SLIRP: variants seen among roughly 807,000 people sequenced by gnomAD.
SLIRP encodes the protein SRA stem-loop-interacting RNA-binding protein, mitochondrial.
Under a neutral mutation model 13.4 loss-of-function variants are expected in SLIRP, and 12 were observed. The observed-to-expected ratio is 0.89, with a 90% CI of 0.57 to 1.45. SLIRP has a LOEUF of 1.45. SLIRP is among the 40% of genes most tolerant of loss of function. SLIRP has a pLI of 0.00. For missense variants in SLIRP, 154 were observed against 132.2 expected (o/e 1.17, Z -0.81); for synonymous variants, 55 against 47.1 (o/e 1.17, Z -0.69).
chr14:77,716,879 A>C (rs2139884685), intron 3 of SLIRP, among the ~76,000 whole-genome samples: 1 of 152,106 alleles, frequency 6.6e-6, no homozygotes, highest in East Asian at 2.0e-4. Context: ...CTCCTGCCTC[A>C]ACCTCCCGAG....
intron 2 of SLIRP, among the ~76,000 whole-genome samples, chr14:77,712,951 A>G (rs2080452217): frequency 6.6e-6 from 1 of 151,572 alleles, no homozygotes; most frequent in African/African-American, 2.4e-5. Flanking sequence ...ACAGAACATA[A>G]TCACAGGAGT....
chr14:77,713,109 A>G (rs1249209741), intron 2 of SLIRP, among the ~76,000 whole-genome samples: 2 of 152,226 alleles, frequency 1.3e-5, no homozygotes, highest in Non-Finnish European at 2.9e-5. Flanking sequence ...CTACTACAGT[A>G]TTCTAATAAG....
rs764094163 is a variant in SLIRP, at chr14:77,708,228, G to A, written c.97+20G>A. 1.7e-5 allele frequency: 27 copies of A among 1,612,562 alleles called. No individual in the cohort carries two copies. Among genetic ancestry groups the A allele is most frequent in the Non-Finnish European group, 2.3e-5 (27 of 1,178,622 alleles). On this transcript the variant is annotated intron_variant, in intron 1 of 3. Transcript: ENST00000557342. ...CGTCGAGTGAGTGATGGAGATGTGGGAGTAGTGGAATTTTTAGGTCCAAGT... is the reference window on the plus strand; with the variant it reads ...CGTCGAGTGAGTGATGGAGATGTGGAAGTAGTGGAATTTTTAGGTCCAAGT...
intron 2 of SLIRP, among the ~76,000 whole-genome samples, chr14:77,714,538 C>T (rs2080462133): frequency 6.6e-6 from 1 of 152,188 alleles, no homozygotes; most frequent in Non-Finnish European, 1.5e-5. Context: ...TGACCTCAAG[C>T]CATCCATCCA....
At chr14:77,710,343 G>C (rs903276307) in intron 1 of SLIRP, among the ~76,000 whole-genome samples, 1 of 152,100 alleles carries the variant, frequency 6.6e-6, no homozygotes, top group Non-Finnish European at 1.5e-5. Flanking sequence ...GTAACCCGCA[G>C]GACAGATAAA....
At chr14:77,714,101 G>A (rs1389360063) in intron 2 of SLIRP, among the ~76,000 whole-genome samples, 2 of 151,850 alleles carry the variant, frequency 1.3e-5, no homozygotes, top group Non-Finnish European at 2.9e-5. Context: ...TTGAACTCCT[G>A]GGTTCAAGGG....
In SLIRP at chr14:77,710,844, TGAAA is replaced by T; in HGVS notation, c.108_111del (p.Lys36AsnfsTer48). On this transcript the variant is annotated frameshift_variant, in exon 2 of 4. Transcript: ENST00000557342. LOFTEE classifies it high-confidence loss of function. ...GTTTTCTTCTGCCACACAGGTCAGC[TGAAA>T]GAACACTTTGCACAGTTCGGCCATG... 1 of 1,614,162 alleles carries T rather than the reference TGAAA, an allele frequency of 6.2e-7. No homozygotes were observed.
rs1317461574 is a variant in SLIRP at position 77,708,162 on chromosome 14, T to A, written c.51T>A (p.Asn17Lys). 6.2e-7 allele frequency: 1 copy of A among 1,614,072 alleles called. No individual in the cohort carries two copies. The highest frequency in any genetic ancestry group is 1.3e-5 in the African/African-American group (1 of 74,928). The change falls in exon 1 of 4, where the codon AAT (asparagine) becomes AAA (lysine). Residue 17 changes from asparagine to lysine, a missense_variant. Physicochemically the swap from Asn to Lys is moderately conservative, Grantham distance 94. Coordinates refer to ENST00000557342, the MANE Select transcript of SLIRP (RefSeq NM_031210.6). Reference sequence around the variant, plus strand: ...CTGCGGCGCTGCGTAGAAGTATCAATCAGCCGGTTGCTTTTGTGAGAAGAA... The same window carrying A: ...CTGCGGCGCTGCGTAGAAGTATCAAACAGCCGGTTGCTTTTGTGAGAAGAA... The part of the protein sequence containing the change: ...RGAAALRRSI[N>K]QPVAFVRRIP...
chr14:77,716,467 G>A, intron 3 of SLIRP: 1 of 151,944 alleles, frequency 6.6e-6, no homozygotes, highest in Non-Finnish European at 1.5e-5. Context: ...GACCAACATG[G>A]AGAAACCCCA....
chr14:77,716,887 G>A (rs1044630117), intron 3 of SLIRP, among the ~76,000 whole-genome samples: 1 of 151,800 alleles, frequency 6.6e-6, no homozygotes, highest in Non-Finnish European at 1.5e-5. Context: ...TCAACCTCCC[G>A]AGTAGCTGGG....
chr14:77,708,279 A>T lies in SLIRP; in HGVS notation c.97+71A>T. On this transcript the variant is annotated intron_variant, in intron 1 of 3. Transcript: ENST00000557342. ...GATCCTCAAAGCTTCTGCTTTTTGC[A>T]GGGTACTTAAGTCAGCGTGGTGGCT... The T allele has an allele frequency of 2.0e-6, 3 of 1,474,586 alleles. No homozygotes were observed. In the South Asian group the frequency reaches 3.4e-5, roughly 17 times the overall value. The allele number at this position is 1,474,586 out of a possible 1,614,324, so 91.3% of individuals were successfully genotyped here.
intron 1 of SLIRP, among the ~76,000 whole-genome samples, chr14:77,709,817 G>C (rs576779790): frequency 6.6e-6 from 1 of 152,264 alleles, no homozygotes; most frequent in Non-Finnish European, 1.5e-5. Flanking sequence ...GATCTTGCCA[G>C]TTGGTTTGAC....
intron 3 of SLIRP, 101 bp downstream of exon 3, chr14:77,715,980 T>TG (rs1242371019): frequency 6.3e-6 from 6 of 950,706 alleles, no homozygotes; most frequent in Admixed American, 2.3e-5. Context: ...GATGGGGACT[T>TG]GGAGAGATTT....
At chr14:77,713,952 CAAAATAAAATATGACAAAA>C (rs2080458022) in intron 2 of SLIRP, among the ~76,000 whole-genome samples, 1 of 152,042 alleles carries the variant, frequency 6.6e-6, no homozygotes, top group Non-Finnish European at 1.5e-5. Context: ...GTTGGTAAAA[CAAAATAAAATATGACAAAA>C]AAAATATTTT....
intron 3 of SLIRP, among the ~76,000 whole-genome samples, chr14:77,716,847 C>T (rs1012804091): frequency 6.6e-6 from 1 of 151,890 alleles, no homozygotes; most frequent in East Asian, 2.0e-4. Flanking sequence ...CTGCAACCTC[C>T]GCCTCCTGGG....
rs961033337 is a variant in SLIRP at position 77,717,480 on chromosome 14, T to C, written c.265-16T>C. The C allele has an allele frequency of 6.2e-6, 10 of 1,610,830 alleles. No individual in the cohort carries two copies. The highest frequency in any genetic ancestry group is 8.5e-6 in the Non-Finnish European group (10 of 1,178,562). On this transcript the variant is annotated splice_polypyrimidine_tract_variant and intron_variant, in intron 3 of 3. Coordinates refer to ENST00000557342, the MANE Select transcript of SLIRP (RefSeq NM_031210.6). ...AGACATTGCCTTTCCTCCCTTACAG[T>C]GCTTATTTTTTTAAGGTCCAGGTTC... is the stretch of plus-strand genomic sequence containing the variant.
chr14:77,715,674 C>A, intron 2 of SLIRP, 98 bp from the exon 3 acceptor site: 1 of 1,002,810 alleles, frequency 1.0e-6, no homozygotes. Flanking sequence ...TTAAAAAGTC[C>A]GATTTTTGGC....
In SLIRP at chr14:77,717,551, A is replaced by G. The variant is rs145080070; in HGVS notation, c.320A>G (p.Lys107Arg). The change falls in exon 4 of 4, where the codon AAA (lysine) becomes AGA (arginine). Residue 107 changes from lysine (K) to arginine (R), a missense_variant. Coordinates refer to ENST00000557342, the MANE Select transcript of SLIRP (RefSeq NM_031210.6). ...KLPQTSDDEKKDF is the reference protein window; with the variant it reads ...KLPQTSDDEKRDF ...CCGCAAACATCTGATGATGAAAAGAAAGATTTTTGAGACTGCAGCCTATTA... is the reference window on the plus strand; with the variant it reads ...CCGCAAACATCTGATGATGAAAAGAGAGATTTTTGAGACTGCAGCCTATTA... The G allele has an allele frequency of 4.5e-5, 72 of 1,613,648 alleles. No homozygotes were observed. In the African/African-American group the frequency reaches 7.3e-4, roughly 16 times the overall value.
At chr14:77,711,089 A>G (rs147412668) in intron 2 of SLIRP, among the ~76,000 whole-genome samples, 193 bp downstream of exon 2, 301 of 151,998 alleles carry the variant, frequency 2.0e-3, no homozygotes, top group African/African-American at 6.7e-3. Flanking sequence ...TGGATACCCC[A>G]TAAGTCAAAG....
Sources: allele counts gnomAD v4.1 joint callset (sites outside exome capture counted in the v4.1 genomes callset), GRCh38; gene constraint gnomAD v4.1.1; transcripts MANE v1.5; gene names NCBI Gene and HGNC (gene_info 2026-07-23, HGNC 2026-07-21).